The following PCP4 variants were observed in gnomAD, a reference collection of about 807,000 sequenced individuals.
The protein encoded by PCP4 is calmodulin regulator protein PCP4.
In PCP4, 8 loss-of-function variants were observed where a neutral mutation model predicts 10.0. The observed-to-expected ratio is 0.80, with a 90% CI of 0.47 to 1.45. PCP4 has a LOEUF of 1.45. Ranked by LOEUF, PCP4 falls within the 40% of genes most tolerant of loss-of-function variation. The pLI is 0.00. For missense variants in PCP4, 54 were observed against 74.4 expected, an observed-to-expected ratio of 0.73 and a Z score of 1.01; for synonymous variants, 21 against 23.0, an observed-to-expected ratio of 0.91 and a Z score of 0.24.
intron 1 of PCP4, among the ~76,000 whole-genome samples, chr21:39,896,400 C>T (rs1476333425): frequency 3.3e-5 from 5 of 152,114 alleles, no homozygotes; most frequent in Non-Finnish European, 5.9e-5. Context: ...GGATTTGGTC[C>T]AACTCAGTAG....
At chr21:39,892,173 A>C (rs1174230504) in intron 1 of PCP4, among the ~76,000 whole-genome samples, 2 of 152,192 alleles carry the variant, frequency 1.3e-5, no homozygotes, top group East Asian at 1.9e-4. Context: ...CAGAGGGCTC[A>C]CCTCTTGCCT....
At chr21:39,892,217 C>T (rs1341156769) in intron 1 of PCP4, among the ~76,000 whole-genome samples, 1 of 152,204 alleles carries the variant, frequency 6.6e-6, no homozygotes, top group East Asian at 1.9e-4. Flanking sequence ...CCTTCAGCAC[C>T]TCACCCCATG....
At chr21:39,874,415 G>A (rs1008566711) in intron 1 of PCP4, among the ~76,000 whole-genome samples, 1 of 152,184 alleles carries the variant, frequency 6.6e-6, no homozygotes, top group African/African-American at 2.4e-5. Flanking sequence ...AACAATCCAA[G>A]TCTGTGGTAT....
intron 2 of PCP4, among the ~76,000 whole-genome samples, chr21:39,927,322 CA>C (rs2087627879): frequency 3.1e-5 from 4 of 129,992 alleles, no homozygotes; most frequent in Non-Finnish European, 6.4e-5. Flanking sequence ...ATCTATCTAT[CA>C]TCTATCTATC....
At chr21:39,890,736 A>G (rs1014497570) in intron 1 of PCP4, among the ~76,000 whole-genome samples, 4 of 152,102 alleles carry the variant, frequency 2.6e-5, no homozygotes, top group African/African-American at 9.7e-5. Context: ...TTGCGTTAAC[A>G]TATGATTTAT....
intron 1 of PCP4, among the ~76,000 whole-genome samples, chr21:39,895,016 C>T (rs987760450): frequency 1.3e-5 from 2 of 152,184 alleles, no homozygotes; most frequent in Non-Finnish European, 2.9e-5. Flanking sequence ...TCCGTCCACC[C>T]ATTTATCTAC....
intron 1 of PCP4, among the ~76,000 whole-genome samples, chr21:39,867,922 GT>G (rs1345208722): frequency 1.3e-5 from 2 of 152,214 alleles, no homozygotes; most frequent in African/African-American, 4.8e-5. Flanking sequence ...AGGGGACAAG[GT>G]GGGGAAAGGG....
intron 2 of PCP4, 149 bp from the exon 3 acceptor site, chr21:39,928,834 CT>C (rs1435035519): frequency 1.8e-5 from 12 of 656,466 alleles, no homozygotes; most frequent in Non-Finnish European, 3.1e-5. Context: ...CTGGATTTTA[CT>C]TTGCAGATGA....
intron 2 of PCP4, among the ~76,000 whole-genome samples, chr21:39,913,589 C>A (rs1021028483): frequency 1.3e-5 from 2 of 152,164 alleles, no homozygotes; most frequent in Admixed American, 6.5e-5. Flanking sequence ...TCTTGCCATG[C>A]GTGAAAAGTG....
intron 2 of PCP4, among the ~76,000 whole-genome samples, chr21:39,908,774 G>A (rs1317302111): frequency 5.3e-5 from 8 of 152,100 alleles, no homozygotes; most frequent in Admixed American, 6.5e-5. Flanking sequence ...GTTGGCCTGG[G>A]TTGGGAGGCA....
intron 1 of PCP4, among the ~76,000 whole-genome samples, chr21:39,885,326 A>G (rs2087395003): frequency 6.6e-6 from 1 of 152,194 alleles, no homozygotes; most frequent in South Asian, 2.1e-4. Context: ...GTTGGTTGCT[A>G]AGAAGCAACG....
At chr21:39,899,809 G>A (rs1316475174) in intron 2 of PCP4, among the ~76,000 whole-genome samples, 1 of 152,126 alleles carries the variant, frequency 6.6e-6, no homozygotes, top group African/African-American at 2.4e-5. Context: ...AGAGGAAGGA[G>A]CAAAGGATGG....
chr21:39,871,731 T>C (rs2087321308), intron 1 of PCP4, among the ~76,000 whole-genome samples: 1 of 152,208 alleles, frequency 6.6e-6, no homozygotes, highest in Non-Finnish European at 1.5e-5. Context: ...CCAGGGCCGA[T>C]GATTGTTAAG....
intron 2 of PCP4, among the ~76,000 whole-genome samples, chr21:39,903,426 G>T (rs1240441402): frequency 2.0e-5 from 3 of 152,204 alleles, no homozygotes; most frequent in Non-Finnish European, 4.4e-5. Flanking sequence ...CTACCTGTGG[G>T]ACTCACTGTC....
intron 1 of PCP4, among the ~76,000 whole-genome samples, chr21:39,882,724 G>A (rs1303087195): frequency 4.6e-5 from 7 of 152,110 alleles, no homozygotes; most frequent in African/African-American, 9.7e-5. Context: ...TCCCCTAATC[G>A]TCTGTGTAAG....
At chr21:39,923,649 T>G (rs1349509092) in intron 2 of PCP4, among the ~76,000 whole-genome samples, 3 of 152,190 alleles carry the variant, frequency 2.0e-5, no homozygotes, top group African/African-American at 7.2e-5. Flanking sequence ...CAGAATCCTA[T>G]GTGCACATGT....
At chr21:39,883,699 G>A (rs2087386672) in intron 1 of PCP4, 1 of 152,126 alleles carries the variant, frequency 6.6e-6, no homozygotes, top group South Asian at 2.1e-4. Context: ...AAATAAAGAA[G>A]CCAAGGCTTT....
At chr21:39,879,492 T>C (rs554887221) in intron 1 of PCP4, among the ~76,000 whole-genome samples, 2 of 152,328 alleles carry the variant, frequency 1.3e-5, no homozygotes, top group South Asian at 4.1e-4. Context: ...TTGGCTGAAA[T>C]TCCTATGAGA....
intron 2 of PCP4, among the ~76,000 whole-genome samples, chr21:39,924,433 G>C (rs1005839695): frequency 6.6e-6 from 1 of 152,146 alleles, no homozygotes; most frequent in Non-Finnish European, 1.5e-5. Flanking sequence ...ACTTCTGCAG[G>C]GTGCCTGGCT....
Sources: gnomAD v4.1 joint callset for allele counts (sites outside exome capture counted in the v4.1 genomes callset) on GRCh38, gnomAD v4.1.1 for gene constraint, MANE v1.5 for transcripts, NCBI Gene and HGNC (gene_info 2026-07-23, HGNC 2026-07-21) for gene names.